Variants in CORIN observed in about 807,000 individuals in gnomAD.
CORIN encodes atrial natriuretic peptide-converting enzyme.
CORIN carries 117 observed loss-of-function variants against 125.3 expected under a neutral mutation model. That is an observed-to-expected ratio of 0.93 (90% confidence interval 0.80 to 1.09). CORIN has a LOEUF of 1.09. CORIN is among the 50% of genes least tolerant of loss of function. CORIN has a pLI of 0.00. For synonymous variants in CORIN, 450 were observed against 466.4 expected, an observed-to-expected ratio of 0.96 and a Z score of 0.45; for missense variants, 1,253 against 1,306.7, an observed-to-expected ratio of 0.96 and a Z score of 0.63.
chr4:47,736,210 T>C (rs1424509160), intron 5 of CORIN, among the ~76,000 whole-genome samples: 1 of 152,200 alleles, frequency 6.6e-6, no homozygotes, highest in Admixed American at 6.5e-5. Flanking sequence ...TCACTCAGCC[T>C]TCTAGTGGCT....
At chr4:47,778,819 G>A (rs1054265532) in intron 3 of CORIN, among the ~76,000 whole-genome samples, 11 of 152,108 alleles carry the variant, frequency 7.2e-5, no homozygotes, top group African/African-American at 2.2e-4. Flanking sequence ...TGGGAATGGC[G>A]TCTAGAGGTC....
intron 10 of CORIN, 43 bp downstream of exon 10, chr4:47,674,350 A>G (rs370669019): frequency 5.4e-6 from 7 of 1,303,570 alleles, no homozygotes; most frequent in South Asian, 1.2e-5. Context: ...TGCTGAATGC[A>G]TGCCCTGACA....
rs547694674 is a variant in CORIN at position 47,594,698 on chromosome 4, G to C, written c.*1023C>G. The C allele has an allele frequency of 6.6e-6, 1 of 152,068 alleles. No individual in the cohort carries two copies. Among genetic ancestry groups the C allele is most frequent in the Admixed American group, 6.6e-5 (1 of 15,254 alleles). 9.4% of individuals were successfully genotyped at this position (152,068 alleles called of 1,614,324 possible). A position where few individuals can be genotyped will look rare whatever the true frequency, so the allele number is the denominator to read the frequency against. On this transcript the variant is annotated 3_prime_UTR_variant, in exon 22 of 22. Transcript: ENST00000273857. ...AACTGAAAAATAAATTTAATTAAAC[G>C]AGGGATGCAAATTAATTTTCTTTTT...
intron 6 of CORIN, among the ~76,000 whole-genome samples, chr4:47,684,256 C>A (rs183083907): frequency 6.6e-5 from 10 of 152,270 alleles, no homozygotes; most frequent in African/African-American, 9.6e-5. Flanking sequence ...TAAAATAAGT[C>A]ATTTAGATTA....
chr4:47,789,745 G>A (rs1730979394), intron 2 of CORIN, among the ~76,000 whole-genome samples: 1 of 152,184 alleles, frequency 6.6e-6, no homozygotes. Context: ...AAGAGGCCGG[G>A]CGCGGTGGCT....
chr4:47,795,002 G>A (rs1731232382), intron 2 of CORIN, among the ~76,000 whole-genome samples: 1 of 152,054 alleles, frequency 6.6e-6, no homozygotes, highest in African/African-American at 2.4e-5. Context: ...TCATCCTTTT[G>A]GATGTGGATA....
chr4:47,657,340 T>A (rs931059708), intron 12 of CORIN, among the ~76,000 whole-genome samples: 6 of 151,972 alleles, frequency 3.9e-5, no homozygotes, highest in Non-Finnish European at 7.4e-5. Context: ...AAGACCATCC[T>A]GGCTAACACA....
chr4:47,695,847 G>T (rs1220016880), intron 5 of CORIN, among the ~76,000 whole-genome samples: 1 of 152,138 alleles, frequency 6.6e-6, no homozygotes, highest in African/African-American at 2.4e-5. Context: ...TACAAATGAA[G>T]GAAATGAAGT....
Position 47,595,724 on chromosome 4 carries a change from G to C in CORIN, c.3126C>G (p.Asn1042Lys). ...RQIYIQTFLL[N>K] The stretch of plus-strand genomic sequence containing the variant: ...AAGTCTCTGATCATCCTTATAATTA[G>C]TTTAGGAGAAAGGTCTGGATGTAAA... The change falls in exon 22 of 22, where the codon AAC becomes AAG. Residue 1042 changes from asparagine (N) to lysine (K), a missense_variant. By Grantham distance (94) the Asn-to-Lys change is moderately conservative (BLOSUM62 0). Coordinates refer to ENST00000273857, the MANE Select transcript of CORIN (RefSeq NM_006587.4). 1 of 1,599,060 alleles carries C rather than the reference G, an allele frequency of 6.3e-7. No individual in the cohort carries two copies. The highest frequency in any genetic ancestry group is 8.5e-7 in the Non-Finnish European group (1 of 1,175,200).
At chr4:47,614,963 G>A (rs1205360916) in intron 19 of CORIN, among the ~76,000 whole-genome samples, 1 of 152,202 alleles carries the variant, frequency 6.6e-6, no homozygotes, top group African/African-American at 2.4e-5. Flanking sequence ...TGTAATAGAA[G>A]ATTTGACGGG....
intron 3 of CORIN, among the ~76,000 whole-genome samples, chr4:47,768,243 G>A (rs1304760472): frequency 3.3e-5 from 5 of 152,078 alleles, no homozygotes; most frequent in African/African-American, 7.2e-5. Context: ...GACTCAGCCC[G>A]CCTGCACCCA....
chr4:47,793,382 C>G (rs57922463), intron 2 of CORIN, among the ~76,000 whole-genome samples: 1 of 152,024 alleles, frequency 6.6e-6, no homozygotes, highest in South Asian at 2.1e-4. Context: ...AGTGAGAAGA[C>G]AGCTGAGGAC....
chr4:47,696,218 C>G (rs1403990974), intron 5 of CORIN, among the ~76,000 whole-genome samples: 10 of 152,142 alleles, frequency 6.6e-5, no homozygotes, highest in Admixed American at 6.5e-4. Flanking sequence ...TGTCTTATAA[C>G]AATCATTTTC....
chr4:47,832,801 G>A (rs1437901253), intron 1 of CORIN, among the ~76,000 whole-genome samples: 1 of 152,056 alleles, frequency 6.6e-6, no homozygotes, highest in East Asian at 1.9e-4. Context: ...CTCTAGAACT[G>A]CCTGAGAGAA....
At chr4:47,761,872 A>G (rs1318242689) in intron 4 of CORIN, among the ~76,000 whole-genome samples, 1 of 150,064 alleles carries the variant, frequency 6.7e-6, no homozygotes, top group Admixed American at 6.6e-5. Flanking sequence ...GTGTGCCTAC[A>G]GTACTCCCAG....
intron 2 of CORIN, among the ~76,000 whole-genome samples, chr4:47,793,516 G>A (rs184195090): frequency 3.9e-5 from 6 of 152,274 alleles, no homozygotes; most frequent in Admixed American, 2.0e-4. Context: ...CATAGTTGAA[G>A]AGCATAATGA....
intron 5 of CORIN, among the ~76,000 whole-genome samples, chr4:47,698,924 T>C (rs1726161857): frequency 6.6e-6 from 1 of 152,234 alleles, no homozygotes; most frequent in Non-Finnish European, 1.5e-5. Flanking sequence ...AGTAACATAC[T>C]GTATAGGTTT....
intron 19 of CORIN, among the ~76,000 whole-genome samples, chr4:47,607,828 T>A (rs1721712205): frequency 6.6e-6 from 1 of 151,914 alleles, no homozygotes; most frequent in African/African-American, 2.4e-5. Flanking sequence ...GCACCTATAG[T>A]CCCAGCTACT....
intron 2 of CORIN, among the ~76,000 whole-genome samples, chr4:47,794,403 A>G (rs966723931): frequency 2.0e-5 from 3 of 152,196 alleles, no homozygotes; most frequent in African/African-American, 7.2e-5. Context: ...TAAACTTTCT[A>G]TAGTCTACAT....
Sources: allele counts gnomAD v4.1 joint callset (sites outside exome capture counted in the v4.1 genomes callset), GRCh38; gene constraint gnomAD v4.1.1; transcripts MANE v1.5; gene names NCBI Gene and HGNC (gene_info 2026-07-23, HGNC 2026-07-21).